Variants in TNIP1 observed in about 807,000 individuals in gnomAD.
TNIP1 encodes the protein TNFAIP3-interacting protein 1.
Under a neutral mutation model 86.6 loss-of-function variants are expected in TNIP1, and 22 were observed. That is an observed-to-expected ratio of 0.25 (90% CI 0.18 to 0.36). TNIP1 has a LOEUF of 0.36. TNIP1 is among the 10% of genes least tolerant of loss of function. TNIP1 has a pLI of 1.00. For missense variants in TNIP1, 709 were observed against 820.6 expected (o/e 0.86, Z 1.66); for synonymous variants, 294 against 313.0 (o/e 0.94, Z 0.64).
At position 151,056,864 on chromosome 5, in the gene TNIP1, G is replaced by C; in HGVS notation, c.529C>G (p.His177Asp). ...CCCAGGTGGGTGAAGAGCTGGCCGTGGTCCGGCTCCTCGGCACACACACTC... is the reference window on the plus strand; with the variant it reads ...CCCAGGTGGGTGAAGAGCTGGCCGTCGTCCGGCTCCTCGGCACACACACTC... ...TLSVCAEEPD[H>D]GQLFTHLGRM... is the part of the protein sequence containing the mutation. The change falls in exon 6 of 18, where the codon CAC becomes GAC. Residue 177 changes from histidine (H) to aspartate (D), a missense_variant. By Grantham distance (81) the His-to-Asp change is moderately conservative. Transcript: ENST00000521591. The C allele has an allele frequency of 6.2e-7, 1 of 1,605,742 alleles. No homozygotes were observed. Among genetic ancestry groups the C allele is most frequent in the Non-Finnish European group, 8.5e-7 (1 of 1,176,496 alleles).
At chr5:151,081,625 G>C (rs973889458), upstream of TNIP1, among the ~76,000 whole-genome samples, 1 of 152,236 alleles carries the variant, frequency 6.6e-6, no homozygotes, top group African/African-American at 2.4e-5. Context: ...AGACATTGTA[G>C]ATGCTTTGCG....
At chr5:151,051,014 G>T (rs144424067) in intron 7 of TNIP1, among the ~76,000 whole-genome samples, 22 of 152,198 alleles carry the variant, frequency 1.4e-4, no homozygotes, top group African/African-American at 5.1e-4. Flanking sequence ...CTGAGTTTCC[G>T]CTTGAAAAAC....
At chr5:151,073,522 A>G (rs1763045681) in intron 1 of TNIP1, among the ~76,000 whole-genome samples, 1 of 151,456 alleles carries the variant, frequency 6.6e-6, no homozygotes, top group South Asian at 2.1e-4. Context: ...ATGCCCATAA[A>G]ATACAAAGCA....
At chr5:151,033,828 G>T in intron 15 of TNIP1, 29 bp from the exon 16 acceptor site, 1 of 1,375,598 alleles carries the variant, frequency 7.3e-7, no homozygotes, top group Non-Finnish European at 9.4e-7. Context: ...TCTGGCTTTG[G>T]CCTGCAACAG....
At chr5:151,046,736 A>C (rs1759222543) in intron 8 of TNIP1, among the ~76,000 whole-genome samples, 1 of 152,238 alleles carries the variant, frequency 6.6e-6, no homozygotes, top group Non-Finnish European at 1.5e-5. Flanking sequence ...CCTGAAAAAA[A>C]CATCTATGGC....
intron 1 of TNIP1, among the ~76,000 whole-genome samples, chr5:151,070,141 T>C (rs772473866): frequency 3.9e-5 from 6 of 152,158 alleles, no homozygotes; most frequent in African/African-American, 9.7e-5. Context: ...GGAGTAATAA[T>C]AGAACCTACC....
intron 1 of TNIP1, among the ~76,000 whole-genome samples, chr5:151,067,338 G>T (rs1762355308): frequency 6.6e-6 from 1 of 152,228 alleles, no homozygotes; most frequent in South Asian, 2.1e-4. Flanking sequence ...TTGCCACCTG[G>T]TACAGCATGT....
intron 6 of TNIP1, 37 bp from the exon 7 acceptor site, chr5:151,052,296 A>C: frequency 6.3e-7 from 1 of 1,583,824 alleles, no homozygotes. Context: ...GAGGGAAAGG[A>C]GGGGCCCCTC....
In TNIP1 at chr5:151,030,062, T is replaced by C; in HGVS notation, c.*651A>G. On this transcript the variant is annotated 3_prime_UTR_variant, in exon 18 of 18. Coordinates refer to ENST00000521591, the MANE Select transcript of TNIP1 (RefSeq NM_006058.5). ...AGGCCTCCAGCTATGGGGTCCAGGG[T>C]CTGAACCTCAGGGCCTGGCAGCTTC... is the stretch of plus-strand genomic sequence containing the variant. 2.2e-6 allele frequency: 1 copy of C among 456,708 alleles called. No individual in the cohort carries two copies. The highest frequency in any genetic ancestry group is 6.9e-5 in the East Asian group (1 of 14,524). 28.3% of individuals were successfully genotyped at this position (456,708 alleles called of 1,614,324 possible).
intron 1 of TNIP1, among the ~76,000 whole-genome samples, chr5:151,069,215 T>G (rs1762574496): frequency 6.6e-6 from 1 of 152,230 alleles, no homozygotes. Context: ...GAGAGGGGTA[T>G]GATAAAGACT....
intron 6 of TNIP1, among the ~76,000 whole-genome samples, chr5:151,053,966 G>A (rs753298381): frequency 6.6e-6 from 1 of 152,170 alleles, no homozygotes; most frequent in Non-Finnish European, 1.5e-5. Context: ...CCAGGACCAG[G>A]GCCATTCACT....
intron 4 of TNIP1, among the ~76,000 whole-genome samples, chr5:151,061,329 A>G (rs891756764): frequency 1.3e-5 from 2 of 151,906 alleles, no homozygotes; most frequent in African/African-American, 4.8e-5. Flanking sequence ...CTGCCCTAGA[A>G]AGTCTCCCTC....
intron 6 of TNIP1, among the ~76,000 whole-genome samples, 165 bp from the exon 7 acceptor site, chr5:151,052,424 C>T (rs1760068064): frequency 6.6e-6 from 1 of 152,188 alleles, no homozygotes. Flanking sequence ...GCCACTTGGC[C>T]ACCCACGTGT....
At chr5:151,065,243 G>C (rs1762089144) in intron 1 of TNIP1, 112 bp from the exon 2 acceptor site, 1 of 872,110 alleles carries the variant, frequency 1.1e-6, no homozygotes, top group African/African-American at 1.7e-5. Context: ...CTTTAAGCTG[G>C]TCTGACCATA....
chr5:151,031,152 A>G (rs1460330667), intron 17 of TNIP1, among the ~76,000 whole-genome samples: 4 of 152,184 alleles, frequency 2.6e-5, no homozygotes, highest in African/African-American at 9.7e-5. Context: ...TTCTTCAGGG[A>G]AAAACAGAAA....
intron 1 of TNIP1, among the ~76,000 whole-genome samples, chr5:151,075,375 T>C (rs1293290119): frequency 1.3e-5 from 2 of 152,160 alleles, no homozygotes; most frequent in African/African-American, 4.8e-5. Flanking sequence ...TTATTTTAGA[T>C]TCGGGGGGTA....
chr5:151,033,033 G>A (rs1183131688), intron 16 of TNIP1, among the ~76,000 whole-genome samples: 1 of 148,724 alleles, frequency 6.7e-6, no homozygotes, highest in Non-Finnish European at 1.5e-5. Flanking sequence ...GGCTAAGGCA[G>A]GAGAATAGCT....
At chr5:151,031,894 C>G (rs146556766) in intron 17 of TNIP1, among the ~76,000 whole-genome samples, 16 of 152,210 alleles carry the variant, frequency 1.1e-4, no homozygotes, top group Non-Finnish European at 1.9e-4. Context: ...CGGTCTAGGT[C>G]GGCTTCCTCT....
intron 8 of TNIP1, among the ~76,000 whole-genome samples, 156 bp downstream of exon 8, chr5:151,049,668 G>C (rs964816382): frequency 6.6e-6 from 1 of 152,014 alleles, no homozygotes; most frequent in Non-Finnish European, 1.5e-5. Context: ...AAGCATGGAG[G>C]TCAGGCCAAG....
Sources: gnomAD v4.1 joint callset for allele counts (sites outside exome capture counted in the v4.1 genomes callset) on GRCh38, gnomAD v4.1.1 for gene constraint, MANE v1.5 for transcripts, NCBI Gene and HGNC (gene_info 2026-07-23, HGNC 2026-07-21) for gene names.